The following LRRC3B variants were observed in gnomAD, a reference collection of about 807,000 sequenced individuals.
LRRC3B encodes leucine rich repeat containing 3B.
Under a neutral mutation model 12.8 loss-of-function variants are expected in LRRC3B, and 2 were observed. The ratio of observed to expected loss-of-function variants is 0.16; its 90% CI spans 0.06 to 0.49. LRRC3B has a LOEUF of 0.49. LRRC3B is among the 20% of genes least tolerant of loss of function. The probability of loss-of-function intolerance (pLI) is 0.96; values close to 1 mark genes in which losing one functional copy is unlikely to be tolerated. For missense variants in LRRC3B, 189 were observed against 319.4 expected (o/e 0.59, Z 3.11); for synonymous variants, 132 against 122.0 (o/e 1.08, Z -0.54).
At chr3:26,709,365 G>A (rs976764901) in intron 1 of LRRC3B, 148 bp from the exon 2 acceptor site, 24 of 347,982 alleles carry the variant, frequency 6.9e-5, no homozygotes, top group South Asian at 4.4e-4. Context: ...CTCCCATTTC[G>A]CAGATAACTC....
chr3:26,657,249 G>T (rs904914067), intron 1 of LRRC3B, among the ~76,000 whole-genome samples: 1 of 152,172 alleles, frequency 6.6e-6, no homozygotes, highest in Non-Finnish European at 1.5e-5. Flanking sequence ...TGAAATAGAT[G>T]CTCACTCTCA....
intron 1 of LRRC3B, among the ~76,000 whole-genome samples, chr3:26,643,504 A>C (rs76892082): frequency 0.027 from 4,154 of 152,128 alleles, 76 homozygotes; most frequent in South Asian, 0.038. Context: ...CCAGTTTTCC[A>C]CCCACCCACC....
At chr3:26,690,521 T>C (rs1236692344) in intron 1 of LRRC3B, among the ~76,000 whole-genome samples, 1 of 152,134 alleles carries the variant, frequency 6.6e-6, no homozygotes, top group African/African-American at 2.4e-5. Flanking sequence ...TTTTATGTGG[T>C]TCATTGTTGA....
exon 2 of LRRC3B, chr3:26,710,325 T>A: frequency 6.2e-7 from 1 of 1,614,030 alleles, no homozygotes; most frequent in Non-Finnish European, 8.5e-7. Context: ...ACTATGGTGA[T>A]CTCATATGTG....
intron 1 of LRRC3B, among the ~76,000 whole-genome samples, chr3:26,682,080 C>G (rs1297608570): frequency 6.6e-6 from 1 of 151,582 alleles, no homozygotes; most frequent in Non-Finnish European, 1.5e-5. Flanking sequence ...TGGTCTCTCC[C>G]TCTCTCTCTC....
chr3:26,653,771 G>A (rs551722877), intron 1 of LRRC3B, among the ~76,000 whole-genome samples: 3 of 152,254 alleles, frequency 2.0e-5, no homozygotes, highest in South Asian at 2.1e-4. Flanking sequence ...ACTGTGAACC[G>A]TTTGTTTCTG....
At chr3:26,642,361 G>A (rs1699047478) in intron 1 of LRRC3B, among the ~76,000 whole-genome samples, 1 of 152,154 alleles carries the variant, frequency 6.6e-6, no homozygotes, top group East Asian at 1.9e-4. Context: ...ACCAGCAAGT[G>A]GGGATACCAG....
At chr3:26,695,525 T>TCAAACAAACAAA (rs139527145) in intron 1 of LRRC3B, among the ~76,000 whole-genome samples, 61 of 151,476 alleles carry the variant, frequency 4.0e-4, no homozygotes, top group African/African-American at 1.2e-3. Flanking sequence ...AGACAACATC[T>TCAAACAAACAAA]CAAACAAACA....
chr3:26,699,869 T>A (rs913368417), intron 1 of LRRC3B, among the ~76,000 whole-genome samples: 2 of 152,180 alleles, frequency 1.3e-5, no homozygotes, highest in Non-Finnish European at 2.9e-5. Flanking sequence ...TAAATATGGA[T>A]GTAGCAGAGA....
chr3:26,677,470 C>G (rs1246241589), intron 1 of LRRC3B, among the ~76,000 whole-genome samples: 2 of 152,156 alleles, frequency 1.3e-5, no homozygotes, highest in African/African-American at 4.8e-5. Context: ...GGCTGCTCAC[C>G]AGCATTCTAG....
intron 1 of LRRC3B, among the ~76,000 whole-genome samples, chr3:26,652,442 G>T (rs1358223034): frequency 1.3e-5 from 2 of 152,202 alleles, no homozygotes; most frequent in African/African-American, 4.8e-5. Context: ...AGAAGCCAAA[G>T]GAATCTCATA....
chr3:26,670,097 TC>T (rs1465905980), intron 1 of LRRC3B, among the ~76,000 whole-genome samples: 3 of 152,248 alleles, frequency 2.0e-5, no homozygotes, highest in African/African-American at 7.2e-5. Flanking sequence ...TCACTTTTTT[TC>T]TTTTGTCTCA....
chr3:26,707,754 T>G (rs577603963), intron 1 of LRRC3B, among the ~76,000 whole-genome samples: 118 of 134,252 alleles, frequency 8.8e-4, no homozygotes, highest in Middle Eastern at 7.5e-3. Flanking sequence ...CTCCTCTGTC[T>G]CCTCTCTTCC....
intron 1 of LRRC3B, among the ~76,000 whole-genome samples, chr3:26,646,051 T>A (rs936198277): frequency 6.6e-6 from 1 of 152,174 alleles, no homozygotes; most frequent in Non-Finnish European, 1.5e-5. Context: ...TTCCTTGTTC[T>A]CTTGTTGATG....
chr3:26,678,389 G>T (rs190361126), intron 1 of LRRC3B, among the ~76,000 whole-genome samples: 28 of 152,214 alleles, frequency 1.8e-4, no homozygotes, highest in African/African-American at 6.5e-4. Flanking sequence ...AGCTACTCGG[G>T]AGGCTGAGGT....
intron 1 of LRRC3B, among the ~76,000 whole-genome samples, chr3:26,698,855 T>C (rs1700383052): frequency 6.6e-6 from 1 of 152,142 alleles, no homozygotes; most frequent in Non-Finnish European, 1.5e-5. Flanking sequence ...TTAAGAAACG[T>C]AAATTTGATG....
At chr3:26,709,993 C>G in exon 2 of LRRC3B, 1 of 1,614,082 alleles carries the variant, frequency 6.2e-7, no homozygotes, top group South Asian at 1.1e-5. Context: ...ATGAGCATGC[C>G]TTCAAAGGAG....
chr3:26,667,350 T>C (rs1699627678), intron 1 of LRRC3B, among the ~76,000 whole-genome samples: 1 of 152,222 alleles, frequency 6.6e-6, no homozygotes, highest in Non-Finnish European at 1.5e-5. Context: ...CCTTTAAGAC[T>C]AGCTTTGGCT....
At chr3:26,626,864 C>G (rs918619459) in intron 1 of LRRC3B, among the ~76,000 whole-genome samples, 3 of 152,144 alleles carry the variant, frequency 2.0e-5, no homozygotes, top group African/African-American at 7.2e-5. Flanking sequence ...TAGCAGTCTT[C>G]TGTTAGATTG....
Sources: gnomAD v4.1 joint callset for allele counts (sites outside exome capture counted in the v4.1 genomes callset) on GRCh38, gnomAD v4.1.1 for gene constraint, MANE v1.5 for transcripts, NCBI Gene and HGNC (gene_info 2026-07-23, HGNC 2026-07-21) for gene names.